LIAS: variants seen among roughly 807,000 people sequenced by gnomAD.
LIAS encodes lipoic acid synthetase, also known as lipoyl synthase, mitochondrial.
A neutral mutation model predicts 49.4 loss-of-function variants in LIAS; 36 were observed. The observed-to-expected ratio is 0.73, with a 90% CI of 0.56 to 0.96. The LOEUF (loss-of-function observed/expected upper bound fraction) is 0.96, where lower values mean the gene tolerates loss of function less well. LIAS is among the 40% of genes least tolerant of loss of function. The pLI is 0.00. For synonymous variants in LIAS, 145 were observed against 155.8 expected, an observed-to-expected ratio of 0.93 and a Z score of 0.52; for missense variants, 399 against 456.3, an observed-to-expected ratio of 0.87 and a Z score of 1.14.
intron 6 of LIAS, chr4:39,466,860 G>GT (rs1438885469): frequency 6.6e-6 from 1 of 152,186 alleles, no homozygotes; most frequent in African/African-American, 2.4e-5. Flanking sequence ...TGTGTCAGCT[G>GT]TTTCAGTCGT....
intron 6 of LIAS, among the ~76,000 whole-genome samples, chr4:39,465,606 G>C (rs548223764): frequency 6.6e-6 from 1 of 151,950 alleles, no homozygotes; most frequent in Non-Finnish European, 1.5e-5. Context: ...TCATATTAGA[G>C]CATTAGTCTA....
rs1298688782 is a variant in LIAS at position 39,477,623 on chromosome 4, A to AATT, written c.*509_*510insTTA. Reference sequence around the variant, plus strand: ...TAGTGTATCTTCTTTGTCCCAATTAAACAGTTGCTTGCTGTGATGTAATCT... The same window carrying AATT: ...TAGTGTATCTTCTTTGTCCCAATTAAATTACAGTTGCTTGCTGTGATGTAATCT... On this transcript the variant is annotated 3_prime_UTR_variant, in exon 11 of 11. Coordinates refer to ENST00000640888, the MANE Select transcript of LIAS (RefSeq NM_006859.4). 6.6e-6 allele frequency: 1 copy of AATT among 152,484 alleles called. No homozygotes were observed. The highest frequency in any genetic ancestry group is 1.5e-5 in the Non-Finnish European group (1 of 68,250). 9.4% of individuals were successfully genotyped at this position (152,484 alleles called of 1,614,324 possible).
intron 6 of LIAS, chr4:39,466,537 A>G (rs1011565294): frequency 1.3e-5 from 2 of 151,922 alleles, no homozygotes; most frequent in African/African-American, 4.8e-5. Context: ...TGGGCAACAT[A>G]GGGAGATGCT....
At chr4:39,462,713 G>C (rs758116887) in intron 3 of LIAS, among the ~76,000 whole-genome samples, 1 of 152,312 alleles carries the variant, frequency 6.6e-6, no homozygotes, top group East Asian at 1.9e-4. Context: ...GGCCAGGTGC[G>C]GTGGCTCACA....
At chr4:39,463,390 G>C in intron 3 of LIAS, 135 bp from the exon 4 acceptor site, 3 of 1,208,902 alleles carry the variant, frequency 2.5e-6, no homozygotes, top group Non-Finnish European at 3.2e-6. Flanking sequence ...GGTCTTAACA[G>C]CATTTTTGAA....
chr4:39,461,019 C>T (rs1429806073), intron 2 of LIAS, 57 bp downstream of exon 2: 2 of 1,381,708 alleles, frequency 1.4e-6, no homozygotes, highest in East Asian at 2.3e-5. Flanking sequence ...GCATTATTTT[C>T]AGATATAACC....
chr4:39,468,388 G>A (rs1744840169), intron 7 of LIAS: 1 of 151,550 alleles, frequency 6.6e-6, no homozygotes, highest in Admixed American at 6.6e-5. Flanking sequence ...TGAAGCAGGA[G>A]AAGAATCACT....
chr4:39,462,256 GA>G lies in LIAS; in HGVS notation c.284del (p.Asn95IlefsTer6). Reference sequence around the variant, plus strand: ...CCATGGGGAAAAATTACAATAAACTGAAAAATACTTTGCGGAATTTAAATCT... The same window carrying G: ...CCATGGGGAAAAATTACAATAAACTGAAAATACTTTGCGGAATTTAAATCT... ...IPMGKNYNKL[K>X]NTLRNLNLHT... On this transcript the variant is annotated frameshift_variant, in exon 3 of 11. Transcript: ENST00000640888. LOFTEE classifies it high-confidence loss of function. The G allele has an allele frequency of 6.4e-7, 1 of 1,566,396 alleles. No individual in the cohort carries two copies. The highest frequency in any genetic ancestry group is 1.9e-5 in the Admixed American group (1 of 52,606).
intron 9 of LIAS, among the ~76,000 whole-genome samples, chr4:39,472,089 G>A (rs1262999173): frequency 2.0e-5 from 3 of 150,388 alleles, no homozygotes; most frequent in Non-Finnish European, 4.4e-5. Flanking sequence ...ATATACGTAT[G>A]TGTGTGTGTA....
chr4:39,476,508 G>C (rs924742190), intron 10 of LIAS: 2 of 152,628 alleles, frequency 1.3e-5, no homozygotes, highest in Non-Finnish European at 2.9e-5. Flanking sequence ...CCTAAAAAGA[G>C]AATGTGCCCT....
At chr4:39,470,235 A>G in intron 8 of LIAS, 71 bp downstream of exon 8, 1 of 1,350,782 alleles carries the variant, frequency 7.4e-7, no homozygotes, top group Non-Finnish European at 1.0e-6. Context: ...CTCACTTTGA[A>G]GGCCCTTCTA....
In LIAS at chr4:39,470,183, G is replaced by T; in HGVS notation, c.883+19G>T. ...ATGAAAGGTAAAGAAATTGAAAAAT[G>T]AAAAATCTTTCCCATGTAATTTGAG... On this transcript the variant is annotated intron_variant, in intron 8 of 10. Transcript: ENST00000640888. The T allele has an allele frequency of 6.2e-7, 1 of 1,601,964 alleles. No individual in the cohort carries two copies. Among genetic ancestry groups the T allele is most frequent in the Non-Finnish European group, 8.5e-7 (1 of 1,172,260 alleles).
At chr4:39,474,484 G>A (rs1452822764) in intron 10 of LIAS, among the ~76,000 whole-genome samples, 1 of 152,024 alleles carries the variant, frequency 6.6e-6, no homozygotes, top group African/African-American at 2.4e-5. Flanking sequence ...GGTGGTGTGT[G>A]CCTATAGTCC....
intron 6 of LIAS, among the ~76,000 whole-genome samples, chr4:39,465,626 T>G (rs1419447122): frequency 6.6e-6 from 1 of 152,010 alleles, no homozygotes; most frequent in Non-Finnish European, 1.5e-5. Context: ...AAACTTTGAA[T>G]AATTTTCTTT....
chr4:39,470,302 A>T (rs1744935121), intron 8 of LIAS, 138 bp downstream of exon 8: 1 of 558,748 alleles, frequency 1.8e-6, no homozygotes, highest in Admixed American at 3.5e-5. Context: ...ACCAACTTGC[A>T]CATGCACCCT....
rs1744883301 is a variant in LIAS, at chr4:39,469,065, C to T, written c.738-954C>T. On this transcript the variant is annotated intron_variant, in intron 7 of 10. Transcript: ENST00000640888. ...TTAGAAAAATGAACATTTTAAGCTT[C>T]GGGCAAGAGTAATATCATTTTTTTC... 2.0e-5 allele frequency: 3 copies of T among 152,142 alleles called. No homozygotes were observed. The South Asian group carries it at 6.2e-4, about 32-fold the overall frequency. 9.4% of individuals were successfully genotyped at this position (152,142 alleles called of 1,614,324 possible). A position where few individuals can be genotyped will look rare whatever the true frequency, so the allele number is the denominator to read the frequency against.
At chr4:39,463,661 T>C in intron 4 of LIAS, 56 bp downstream of exon 4, 1 of 1,545,426 alleles carries the variant, frequency 6.5e-7, no homozygotes, top group South Asian at 1.2e-5. Flanking sequence ...GGGACTATTT[T>C]GTGTCTTCCT....
At chr4:39,459,939 G>C (rs1266886322) in intron 1 of LIAS, among the ~76,000 whole-genome samples, 1 of 147,818 alleles carries the variant, frequency 6.8e-6, no homozygotes, top group Non-Finnish European at 1.5e-5. Context: ...CAACCTGGGC[G>C]ACAGAGCGAG....
At chr4:39,462,409 A>T (rs1164254104) in intron 3 of LIAS, 120 bp downstream of exon 3, 2 of 336,932 alleles carry the variant, frequency 5.9e-6, no homozygotes, top group African/African-American at 4.4e-5. Flanking sequence ...ATGTTAAGTG[A>T]TACATTACTA....
Sources: allele counts gnomAD v4.1 joint callset (sites outside exome capture counted in the v4.1 genomes callset), GRCh38; gene constraint gnomAD v4.1.1; transcripts MANE v1.5; gene names NCBI Gene and HGNC (gene_info 2026-07-23, HGNC 2026-07-21).